The following INTS3 variants were observed in gnomAD, a reference collection of about 807,000 sequenced individuals.
INTS3 encodes the protein integrator complex subunit 3, also known as SOSS complex subunit A.
A neutral mutation model predicts 146.3 loss-of-function variants in INTS3; 34 were observed. The ratio of observed to expected loss-of-function variants is 0.23; its 90% CI spans 0.18 to 0.31. The LOEUF (loss-of-function observed/expected upper bound fraction) is 0.31. Ranked by LOEUF, INTS3 falls within the 10% of genes least tolerant of loss-of-function variation. INTS3 has a pLI of 1.00. For missense variants in INTS3, 757 were observed against 1,304.2 expected (o/e 0.58, Z 6.46); for synonymous variants, 475 against 494.9 (o/e 0.96, Z 0.53).
At chr1:153,754,027 G>A (rs950784792) in intron 8 of INTS3, among the ~76,000 whole-genome samples, 1 of 143,050 alleles carries the variant, frequency 7.0e-6, no homozygotes, top group African/African-American at 2.6e-5. Flanking sequence ...TCTTGAACTC[G>A]TAGGCTCAAG....
At chr1:153,745,303 C>T (rs6682725) in intron 3 of INTS3, among the ~76,000 whole-genome samples, 3,484 of 151,780 alleles carry the variant, frequency 0.023, 135 homozygotes, top group African/African-American at 0.072. Flanking sequence ...ACTACAGGCA[C>T]GTGCCACCAC....
chr1:153,770,555 G>T (rs550598413), intron 24 of INTS3, 130 bp from the exon 25 acceptor site: 1 of 797,050 alleles, frequency 1.3e-6, no homozygotes. Flanking sequence ...TGGGGTAGGG[G>T]ATTCTTCCTG....
intron 20 of INTS3, among the ~76,000 whole-genome samples, chr1:153,766,160 C>T (rs1279116113): frequency 6.6e-5 from 8 of 121,508 alleles, no homozygotes; most frequent in East Asian, 2.3e-4. Context: ...CTCGCTGTGT[C>T]GCCCAGGCTG....
chr1:153,765,448 C>A (rs935220968), intron 20 of INTS3, among the ~76,000 whole-genome samples: 5 of 152,148 alleles, frequency 3.3e-5, no homozygotes, highest in African/African-American at 1.2e-4. Flanking sequence ...GCTTCAGCCT[C>A]CTGAGTAGCT....
chr1:153,771,038 C>T (rs1246927298), intron 25 of INTS3, among the ~76,000 whole-genome samples: 1 of 150,890 alleles, frequency 6.6e-6, no homozygotes, highest in African/African-American at 2.4e-5. Flanking sequence ...CCCCGCCGCG[C>T]CCCCCCCACC....
At chr1:153,739,904 C>T (rs889984177) in intron 1 of INTS3, among the ~76,000 whole-genome samples, 9 of 151,118 alleles carry the variant, frequency 6.0e-5, no homozygotes, top group Admixed American at 5.3e-4. Context: ...AAGCAATTCT[C>T]CTGCCTCAGT....
intron 21 of INTS3, among the ~76,000 whole-genome samples, chr1:153,768,410 A>G (rs1482811005): frequency 6.6e-6 from 1 of 152,184 alleles, no homozygotes; most frequent in Non-Finnish European, 1.5e-5. Flanking sequence ...TCCTGGACAC[A>G]GGGTACTTTC....
Position 153,728,135 on chromosome 1 carries a change from A to T in INTS3, c.-500A>T, listed in dbSNP as rs1246743994. ...TCCTCCCCGTCCTCCCATAGCGCTT[A>T]TTGCCTCACCCTCACCCCCTAGGGG... is the stretch of plus-strand genomic sequence containing the variant. On this transcript the variant is annotated 5_prime_UTR_variant, in exon 1 of 30. Transcript: ENST00000318967. The T allele has an allele frequency of 2.7e-6, 1 of 373,800 alleles. No individual in the cohort carries two copies. Among genetic ancestry groups the T allele is most frequent in the East Asian group, 3.9e-5 (1 of 25,892 alleles). The allele number at this position is 373,800 out of a possible 1,614,324, so 23.2% of individuals were successfully genotyped here.
intron 21 of INTS3, 113 bp from the exon 22 acceptor site, chr1:153,768,780 C>T: frequency 1.3e-6 from 1 of 777,786 alleles, no homozygotes; most frequent in Non-Finnish European, 2.2e-6. Flanking sequence ...ATTTTAGGGC[C>T]TGTGTCTGGC....
chr1:153,746,842 G>A (rs1570850613), intron 3 of INTS3, 115 bp from the exon 4 acceptor site: 1 of 652,240 alleles, frequency 1.5e-6, no homozygotes, highest in South Asian at 1.9e-5. Context: ...TTGCTACTCG[G>A]TGTCTTATTG....
chr1:153,764,010 G>A (rs1672484615), intron 17 of INTS3, 108 bp from the exon 18 acceptor site: 1 of 1,286,394 alleles, frequency 7.8e-7, no homozygotes, highest in Non-Finnish European at 1.1e-6. Context: ...GGGGAGGGGA[G>A]CTTGCTGATC....
intron 1 of INTS3, among the ~76,000 whole-genome samples, chr1:153,731,731 G>A (rs1165530189): frequency 1.4e-4 from 19 of 134,886 alleles, no homozygotes; most frequent in African/African-American, 4.5e-4. Context: ...GACTACAGGC[G>A]CCTGCCACCA....
At chr1:153,753,994 T>C (rs1056302038) in intron 8 of INTS3, among the ~76,000 whole-genome samples, 1 of 139,020 alleles carries the variant, frequency 7.2e-6, no homozygotes, top group Admixed American at 7.4e-5. Flanking sequence ...TAAGATGGGG[T>C]GTCACCATGT....
At chr1:153,736,508 G>T (rs137958065) in intron 1 of INTS3, among the ~76,000 whole-genome samples, 1 of 147,014 alleles carries the variant, frequency 6.8e-6, no homozygotes, top group Non-Finnish European at 1.5e-5. Context: ...GTGCAGTGGC[G>T]CAATCTTGGC....
intron 1 of INTS3, among the ~76,000 whole-genome samples, chr1:153,737,640 A>G (rs1214031776): frequency 6.6e-6 from 1 of 152,168 alleles, no homozygotes; most frequent in Admixed American, 6.6e-5. Flanking sequence ...CTAGGACTAC[A>G]GGTGCGCGCC....
intron 11 of INTS3, 58 bp from the exon 12 acceptor site, chr1:153,760,253 A>AG (rs1558003828): frequency 1.9e-6 from 2 of 1,058,724 alleles, no homozygotes; most frequent in Non-Finnish European, 2.7e-6. Flanking sequence ...AAAAAAAAAA[A>AG]AAAAAGAGAG....
intron 1 of INTS3, among the ~76,000 whole-genome samples, chr1:153,737,588 T>G (rs968034413): frequency 3.9e-5 from 6 of 152,318 alleles, no homozygotes; most frequent in African/African-American, 1.4e-4. Flanking sequence ...AACCTCTGAC[T>G]CCCAGGTTCA....
At chr1:153,745,409 G>A (rs147450550) in intron 3 of INTS3, among the ~76,000 whole-genome samples, 52 of 151,636 alleles carry the variant, frequency 3.4e-4, no homozygotes, top group African/African-American at 1.1e-3. Flanking sequence ...CACACGCCTC[G>A]GCCTCCCAAA....
intron 11 of INTS3, 52 bp from the exon 12 acceptor site, chr1:153,760,255 AAAAG>A (rs1672329537): frequency 1.7e-5 from 18 of 1,079,768 alleles, no homozygotes; most frequent in Admixed American, 4.7e-5. Context: ...AAAAAAAAAA[AAAAG>A]AGAGAGAGAG....
Sources: allele counts gnomAD v4.1 joint callset (sites outside exome capture counted in the v4.1 genomes callset), GRCh38; gene constraint gnomAD v4.1.1; transcripts MANE v1.5; gene names NCBI Gene and HGNC (gene_info 2026-07-23, HGNC 2026-07-21).